Variants in DGKI observed in about 807,000 individuals in gnomAD.
DGKI encodes DAG kinase iota.
In DGKI, 55 loss-of-function variants were observed where a neutral mutation model predicts 147.5. The ratio of observed to expected loss-of-function variants is 0.37; its 90% CI spans 0.30 to 0.47. The LOEUF (loss-of-function observed/expected upper bound fraction) is 0.47. Ranked by LOEUF, DGKI falls within the 20% of genes least tolerant of loss-of-function variation. The pLI is 1.00. For synonymous variants in DGKI, 469 were observed against 477.1 expected (o/e 0.98, Z 0.22); for missense variants, 1,007 against 1,323.8 (o/e 0.76, Z 3.71).
In DGKI at chr7:137,487,544, A is replaced by G; in HGVS notation, c.2328+66T>C. ...TGCATCATTTCAGAAGCAAATATAT[A>G]TGGCTGGTAATTGTTTACAAAAATG... On this transcript the variant is annotated intron_variant, in intron 22 of 32. Coordinates refer to ENST00000614521, the MANE Select transcript of DGKI (RefSeq NM_001321708.2). 9 of 1,355,508 alleles carry G rather than the reference A, an allele frequency of 6.6e-6. No individual in the cohort carries two copies. In the South Asian group the frequency reaches 8.2e-5, roughly 12 times the overall value. 84.0% of individuals were successfully genotyped at this position (1,355,508 alleles called of 1,614,324 possible).
intron 3 of DGKI, among the ~76,000 whole-genome samples, chr7:137,663,824 G>T (rs1822532754): frequency 6.6e-6 from 1 of 152,184 alleles, no homozygotes. Context: ...CCAGCACTGA[G>T]AACCAAGAAC....
chr7:137,746,403 G>A (rs1795332545), intron 1 of DGKI, among the ~76,000 whole-genome samples: 2 of 152,142 alleles, frequency 1.3e-5, no homozygotes, highest in Admixed American at 1.3e-4. Context: ...GGCATGATTT[G>A]CGCATGAATA....
At chr7:137,550,637 T>C (rs1233539005) in intron 20 of DGKI, among the ~76,000 whole-genome samples, 3 of 152,226 alleles carry the variant, frequency 2.0e-5, no homozygotes, top group South Asian at 2.1e-4. Flanking sequence ...CTTAACAATA[T>C]GGTTGCTGAG....
At chr7:137,418,804 C>T (rs1287560790) in intron 28 of DGKI, among the ~76,000 whole-genome samples, 1 of 152,010 alleles carries the variant, frequency 6.6e-6, no homozygotes, top group Non-Finnish European at 1.5e-5. Context: ...TAGGGAAAAA[C>T]ATCAGTTGAT....
chr7:137,412,919 T>G (rs886640820), intron 28 of DGKI, among the ~76,000 whole-genome samples: 2 of 151,964 alleles, frequency 1.3e-5, no homozygotes, highest in Non-Finnish European at 2.9e-5. Flanking sequence ...ATACGTAGCC[T>G]TAGGGAAAAA....
chr7:137,463,432 ATCCTC>A (rs1295065164), intron 27 of DGKI, 52 bp downstream of exon 27: 1 of 1,601,196 alleles, frequency 6.2e-7, no homozygotes, highest in African/African-American at 1.3e-5. Flanking sequence ...CCCACAGTAC[ATCCTC>A]TCCCAGCAAT....
At chr7:137,713,946 C>A (rs919585959) in intron 1 of DGKI, among the ~76,000 whole-genome samples, 1 of 152,128 alleles carries the variant, frequency 6.6e-6, no homozygotes, top group Non-Finnish European at 1.5e-5. Context: ...GGCCACTTGC[C>A]CAATTTTGAA....
intron 1 of DGKI, among the ~76,000 whole-genome samples, chr7:137,710,853 T>G (rs1794187897): frequency 1.3e-5 from 2 of 151,998 alleles, no homozygotes; most frequent in South Asian, 4.1e-4. Context: ...AGCCACAAAA[T>G]AAAAGATGTT....
chr7:137,663,703 G>A (rs1822527559), intron 3 of DGKI, among the ~76,000 whole-genome samples: 1 of 152,152 alleles, frequency 6.6e-6, no homozygotes, highest in African/African-American at 2.4e-5. Context: ...CTGTCTATGA[G>A]GAGCTTCATG....
chr7:137,411,888 G>A (rs767851132), intron 29 of DGKI, among the ~76,000 whole-genome samples: 2 of 152,138 alleles, frequency 1.3e-5, no homozygotes, highest in Non-Finnish European at 2.9e-5. Flanking sequence ...TGCCTGAAAG[G>A]AAATCTTTAA....
chr7:137,626,202 C>A (rs1820934697), intron 6 of DGKI, among the ~76,000 whole-genome samples: 1 of 152,122 alleles, frequency 6.6e-6, no homozygotes, highest in South Asian at 2.1e-4. Context: ...TAGTGAATCA[C>A]TGAACCTGGG....
intron 8 of DGKI, among the ~76,000 whole-genome samples, chr7:137,610,110 A>G (rs990798707): frequency 5.3e-5 from 8 of 151,550 alleles, no homozygotes; most frequent in Non-Finnish European, 1.2e-4. Flanking sequence ...AGTAATAGTC[A>G]TAAAGTGACT....
intron 28 of DGKI, among the ~76,000 whole-genome samples, chr7:137,439,566 T>C (rs1339688408): frequency 2.0e-5 from 3 of 152,194 alleles, no homozygotes. Context: ...CAATTATCTC[T>C]ACCTGGCCCC....
chr7:137,424,272 A>G (rs1057060050), intron 28 of DGKI, among the ~76,000 whole-genome samples: 2 of 152,226 alleles, frequency 1.3e-5, no homozygotes, highest in Non-Finnish European at 2.9e-5. Context: ...GCTTCAGTGT[A>G]TCAGTAAGTC....
chr7:137,635,733 C>T (rs947809609), intron 6 of DGKI, among the ~76,000 whole-genome samples: 1 of 152,194 alleles, frequency 6.6e-6, no homozygotes, highest in African/African-American at 2.4e-5. Flanking sequence ...ATCCACCAGA[C>T]TCAGTATGTT....
At chr7:137,662,161 G>C (rs532576342) in intron 3 of DGKI, among the ~76,000 whole-genome samples, 2 of 152,058 alleles carry the variant, frequency 1.3e-5, no homozygotes, top group African/African-American at 4.8e-5. Context: ...CACTCATGCA[G>C]GCTTCCCTTT....
intron 7 of DGKI, among the ~76,000 whole-genome samples, chr7:137,622,944 G>A (rs1820802423): frequency 6.6e-6 from 1 of 152,192 alleles, no homozygotes; most frequent in Admixed American, 6.5e-5. Context: ...TTCAATGAGT[G>A]TACAGACAAC....
At chr7:137,594,073 G>A (rs1473619785) in intron 12 of DGKI, among the ~76,000 whole-genome samples, 1 of 152,152 alleles carries the variant, frequency 6.6e-6, no homozygotes, top group Non-Finnish European at 1.5e-5. Flanking sequence ...TTGAGACAGA[G>A]TCTCACTGTG....
chr7:137,708,161 C>G (rs376180701), intron 1 of DGKI, among the ~76,000 whole-genome samples: 1 of 152,216 alleles, frequency 6.6e-6, no homozygotes, highest in Non-Finnish European at 1.5e-5. Flanking sequence ...ATAGCCAGGT[C>G]GCCAAGCCTG....
Sources: allele counts gnomAD v4.1 joint callset (sites outside exome capture counted in the v4.1 genomes callset), GRCh38; gene constraint gnomAD v4.1.1; transcripts MANE v1.5; gene names NCBI Gene and HGNC (gene_info 2026-07-23, HGNC 2026-07-21).